The following QTMAN variants were observed in gnomAD, a reference collection of about 807,000 sequenced individuals.
QTMAN encodes tRNA-queuosine alpha-mannosyltransferase.
At chr2:143,975,824 G>C in the QTMAN span, among the ~76,000 whole-genome samples, 4 of 152,180 alleles carry the variant, frequency 2.6e-5, no homozygotes, top group Non-Finnish European at 5.9e-5. Context: ...CAGACTTTGA[G>C]TAGGTGAGAG....
chr2:144,031,730 T>C, the QTMAN span, among the ~76,000 whole-genome samples: 1 of 152,146 alleles, frequency 6.6e-6, no homozygotes, highest in Non-Finnish European at 1.5e-5. Flanking sequence ...ATGAAATTTT[T>C]ATGCTCTTAG....
At chr2:144,212,776 A>G in the QTMAN span, among the ~76,000 whole-genome samples, 4 of 152,318 alleles carry the variant, frequency 2.6e-5, no homozygotes, top group East Asian at 5.8e-4. Context: ...TTATTCCCCA[A>G]TGACACCAGA....
chr2:144,208,851 A>G, the QTMAN span: 4 of 1,096,684 alleles, frequency 3.6e-6, no homozygotes, highest in Non-Finnish European at 5.1e-6. Context: ...ACATACATGT[A>G]TAAAATTTTT....
the QTMAN span, among the ~76,000 whole-genome samples, chr2:144,312,287 T>A: frequency 3.3e-5 from 5 of 151,574 alleles, no homozygotes; most frequent in South Asian, 1.0e-3. Flanking sequence ...CCTCCCAAAG[T>A]GCTGGAATTA....
the QTMAN span, among the ~76,000 whole-genome samples, chr2:144,004,859 C>T: frequency 6.6e-6 from 1 of 151,964 alleles, no homozygotes; most frequent in South Asian, 2.1e-4. Context: ...TCCTTGACTG[C>T]CTCGGAATTA....
At chr2:144,135,418 AAG>A in the QTMAN span, among the ~76,000 whole-genome samples, 1 of 152,196 alleles carries the variant, frequency 6.6e-6, no homozygotes, top group South Asian at 2.1e-4. Context: ...AATTAAAAAA[AAG>A]ATGTTTTCTT....
chr2:144,127,993 T>C, the QTMAN span: 1 of 152,156 alleles, frequency 6.6e-6, no homozygotes, highest in Admixed American at 6.6e-5. Context: ...AAAAGAAGGA[T>C]TCACCTGATA....
At chr2:143,983,886 G>C in the QTMAN span, among the ~76,000 whole-genome samples, 4,571 of 152,170 alleles carry the variant, frequency 0.03, 223 homozygotes, top group African/African-American at 0.1. Flanking sequence ...TTATAACACA[G>C]TTACAAATAT....
the QTMAN span, among the ~76,000 whole-genome samples, chr2:144,033,856 T>C: frequency 2.6e-5 from 4 of 152,316 alleles, no homozygotes; most frequent in East Asian, 7.7e-4. Flanking sequence ...GGAAACTCCA[T>C]GCATTTTAGG....
the QTMAN span, among the ~76,000 whole-genome samples, chr2:144,123,741 C>A: frequency 6.6e-6 from 1 of 152,048 alleles, no homozygotes; most frequent in Admixed American, 6.6e-5. Context: ...ATTTTTCAGT[C>A]CTTGTCTTTT....
chr2:144,171,834 G>A, the QTMAN span, among the ~76,000 whole-genome samples: 24 of 151,932 alleles, frequency 1.6e-4, no homozygotes, highest in Non-Finnish European at 7.4e-5. Flanking sequence ...TAATAACCAG[G>A]TTACAAATAG....
chr2:144,167,398 C>T, the QTMAN span, among the ~76,000 whole-genome samples: 3 of 152,256 alleles, frequency 2.0e-5, no homozygotes, highest in African/African-American at 7.2e-5. Context: ...GGATGCCATG[C>T]TATTACTTTT....
chr2:144,090,244 C>T, the QTMAN span, among the ~76,000 whole-genome samples: 1 of 152,040 alleles, frequency 6.6e-6, no homozygotes, highest in Admixed American at 6.5e-5. Context: ...TAAGAAAAAT[C>T]TAAGCCCTAA....
chr2:144,017,604 A>G, the QTMAN span, among the ~76,000 whole-genome samples: 1 of 152,198 alleles, frequency 6.6e-6, no homozygotes, highest in African/African-American at 2.4e-5. Flanking sequence ...GACCTGAGAA[A>G]AGTCTTTTCT....
chr2:144,026,454 A>G, the QTMAN span, among the ~76,000 whole-genome samples: 1 of 152,284 alleles, frequency 6.6e-6, no homozygotes, highest in South Asian at 2.1e-4. Flanking sequence ...TAAATAAAAA[A>G]GAATGGACTC....
At chr2:144,056,671 G>C in the QTMAN span, among the ~76,000 whole-genome samples, 1 of 152,162 alleles carries the variant, frequency 6.6e-6, no homozygotes, top group Admixed American at 6.5e-5. Context: ...CTCCTTCTAG[G>C]ACTGCCCCAG....
chr2:144,263,738 T>C, the QTMAN span, among the ~76,000 whole-genome samples: 3 of 151,936 alleles, frequency 2.0e-5, no homozygotes, highest in Admixed American at 6.6e-5. Flanking sequence ...AAAGAGAAAA[T>C]CAGAATACTG....
At chr2:144,062,766 T>A in the QTMAN span, among the ~76,000 whole-genome samples, 2 of 152,208 alleles carry the variant, frequency 1.3e-5, no homozygotes, top group Non-Finnish European at 2.9e-5. Context: ...TTGAGATAGG[T>A]AGAGATCAGT....
the QTMAN span, chr2:144,178,539 T>C: frequency 6.5e-6 from 1 of 153,572 alleles, no homozygotes; most frequent in South Asian, 2.0e-4. Flanking sequence ...TTTGTAAATT[T>C]GTGCTCAATA....
Sources: allele counts gnomAD v4.1 joint callset (sites outside exome capture counted in the v4.1 genomes callset), GRCh38; gene constraint gnomAD v4.1.1; transcripts MANE v1.5; gene names NCBI Gene and HGNC (gene_info 2026-07-23, HGNC 2026-07-21).